Variants in CSRNP3 observed in about 807,000 individuals in gnomAD.
CSRNP3 encodes the protein cysteine and serine rich nuclear protein 3, also known as cysteine/serine-rich nuclear protein 3.
In CSRNP3, 12 loss-of-function variants were observed where a neutral mutation model predicts 48.0. The observed-to-expected ratio is 0.25, with a 90% CI of 0.16 to 0.41. The LOEUF is 0.41. Ranked by LOEUF, CSRNP3 falls within the 10% of genes least tolerant of loss-of-function variation. The pLI is 1.00. For missense variants in CSRNP3, 580 were observed against 724.4 expected (o/e 0.80, Z 2.29); for synonymous variants, 263 against 269.7 (o/e 0.98, Z 0.24).
intron 3 of CSRNP3, among the ~76,000 whole-genome samples, chr2:165,556,704 C>T (rs937089576): frequency 2.6e-5 from 4 of 151,998 alleles, no homozygotes; most frequent in Non-Finnish European, 4.4e-5. Flanking sequence ...TTTAAAAGAT[C>T]GGTGGGAGAA....
At chr2:165,605,610 A>C (rs1331117324) in intron 4 of CSRNP3, among the ~76,000 whole-genome samples, 1 of 152,172 alleles carries the variant, frequency 6.6e-6, no homozygotes, top group Non-Finnish European at 1.5e-5. Flanking sequence ...GTTTTCCACA[A>C]TACATTTTAA....
chr2:165,666,138 GA>G (rs1687192905), intron 5 of CSRNP3, among the ~76,000 whole-genome samples: 1 of 131,724 alleles, frequency 7.6e-6, no homozygotes, highest in African/African-American at 2.8e-5. Context: ...AGGAAGGAAG[GA>G]AGGAAAGAGA....
chr2:165,481,833 A>C (rs1248853002), intron 1 of CSRNP3, among the ~76,000 whole-genome samples: 1 of 152,178 alleles, frequency 6.6e-6, no homozygotes, highest in African/African-American at 2.4e-5. Flanking sequence ...ACAGGGACAG[A>C]AAACCAAATA....
chr2:165,536,391 G>A (rs1421062804), intron 3 of CSRNP3, among the ~76,000 whole-genome samples: 2 of 151,726 alleles, frequency 1.3e-5, no homozygotes, highest in African/African-American at 2.4e-5. Context: ...ATCTGACTAA[G>A]GTTTCCACAA....
chr2:165,482,955 C>G (rs1455994143), intron 1 of CSRNP3, among the ~76,000 whole-genome samples: 2 of 151,956 alleles, frequency 1.3e-5, no homozygotes, highest in African/African-American at 4.8e-5. Flanking sequence ...TCAACCTAAG[C>G]CCATGATTAT....
intron 4 of CSRNP3, among the ~76,000 whole-genome samples, chr2:165,596,063 C>T (rs540585378): frequency 2.2e-4 from 34 of 151,816 alleles, no homozygotes; most frequent in Non-Finnish European, 4.7e-4. Flanking sequence ...TCAGGTGATC[C>T]ACCACCTCAG....
chr2:165,628,837 G>A (rs565359897), intron 4 of CSRNP3, among the ~76,000 whole-genome samples: 47 of 152,292 alleles, frequency 3.1e-4, no homozygotes, highest in African/African-American at 9.6e-4. Context: ...AGGCCAAGGC[G>A]GGAGGATTAC....
At chr2:165,590,948 G>A (rs1381348241) in intron 3 of CSRNP3, among the ~76,000 whole-genome samples, 2 of 150,410 alleles carry the variant, frequency 1.3e-5, no homozygotes, top group African/African-American at 5.0e-5. Context: ...CTGTGGAAGT[G>A]ACTTTGGGGC....
At chr2:165,599,503 C>T (rs1043907568) in intron 4 of CSRNP3, among the ~76,000 whole-genome samples, 11 of 152,088 alleles carry the variant, frequency 7.2e-5, no homozygotes, top group African/African-American at 2.2e-4. Context: ...GTAGCCCAGA[C>T]TGGTCTCAAA....
intron 2 of CSRNP3, among the ~76,000 whole-genome samples, chr2:165,511,501 G>A (rs1261689551): frequency 6.6e-6 from 1 of 152,130 alleles, no homozygotes. Context: ...GAAGGGGTTG[G>A]CCTTAGGGAG....
At chr2:165,622,114 T>C (rs7578761) in intron 4 of CSRNP3, among the ~76,000 whole-genome samples, 55,063 of 151,892 alleles carry the variant, frequency 0.36, 10,366 homozygotes, top group Admixed American at 0.47. Flanking sequence ...CTTCTGAGAT[T>C]ACCATGACAT....
intron 5 of CSRNP3, among the ~76,000 whole-genome samples, chr2:165,658,932 G>A (rs559897903): frequency 6.6e-6 from 1 of 152,298 alleles, no homozygotes; most frequent in East Asian, 1.9e-4. Context: ...CAGCTACCTT[G>A]TGCCAGGAGG....
At position 165,684,346 on chromosome 2, in the gene CSRNP3, A is replaced by G. The variant is rs1202641437; in HGVS notation, c.*4593A>G. 2 of 152,052 alleles carry G rather than the reference A, an allele frequency of 1.3e-5. No homozygotes were observed. The highest frequency in any genetic ancestry group is 3.9e-4 in the East Asian group (2 of 5,192). 9.4% of individuals were successfully genotyped at this position (152,052 alleles called of 1,614,324 possible). On this transcript the variant is annotated 3_prime_UTR_variant, in exon 7 of 7. Coordinates refer to ENST00000651982, the MANE Select transcript of CSRNP3 (RefSeq NM_001172173.2). The stretch of plus-strand genomic sequence containing the variant: ...TTTAAAAGGTGTCATGAAGCCTTCT[A>G]TTTCTCCAAACAACTCAATATTTCT...
chr2:165,646,660 T>C (rs1686816737), intron 4 of CSRNP3, among the ~76,000 whole-genome samples: 1 of 152,200 alleles, frequency 6.6e-6, no homozygotes, highest in Non-Finnish European at 1.5e-5. Context: ...TGGTAATGAA[T>C]TGCATTGCCC....
At chr2:165,627,205 C>T (rs185441761) in intron 4 of CSRNP3, among the ~76,000 whole-genome samples, 1 of 152,296 alleles carries the variant, frequency 6.6e-6, no homozygotes, top group East Asian at 1.9e-4. Context: ...ATATTCTTCT[C>T]CCTCTGGCCT....
At chr2:165,489,190 A>G (rs572927396) in intron 1 of CSRNP3, among the ~76,000 whole-genome samples, 1 of 151,576 alleles carries the variant, frequency 6.6e-6, no homozygotes, top group Admixed American at 6.6e-5. Flanking sequence ...TAAACTAGAA[A>G]ATCTAGAAGA....
intron 4 of CSRNP3, among the ~76,000 whole-genome samples, chr2:165,628,888 A>G (rs1686485380): frequency 6.6e-6 from 1 of 152,200 alleles, no homozygotes; most frequent in Non-Finnish European, 1.5e-5. Flanking sequence ...CAACATAGTG[A>G]GATCCCATCT....
chr2:165,670,686 G>A (rs1016837689), intron 5 of CSRNP3, among the ~76,000 whole-genome samples: 4 of 152,134 alleles, frequency 2.6e-5, no homozygotes, highest in Admixed American at 2.0e-4. Context: ...TTAGAACAGT[G>A]CCTGGCACAC....
intron 4 of CSRNP3, among the ~76,000 whole-genome samples, chr2:165,608,090 A>T (rs1686062113): frequency 6.6e-6 from 1 of 150,770 alleles, no homozygotes; most frequent in Non-Finnish European, 1.5e-5. Context: ...TATTATATAT[A>T]TATACATAAG....
Sources: gnomAD v4.1 joint callset for allele counts (sites outside exome capture counted in the v4.1 genomes callset) on GRCh38, gnomAD v4.1.1 for gene constraint, MANE v1.5 for transcripts, NCBI Gene and HGNC (gene_info 2026-07-23, HGNC 2026-07-21) for gene names.